The following M1AP variants were observed in gnomAD, a reference collection of about 807,000 sequenced individuals.
M1AP encodes the protein meiosis 1 arrest protein.
A neutral mutation model predicts 51.2 loss-of-function variants in M1AP; 39 were observed. That is an observed-to-expected ratio of 0.76 (90% CI 0.59 to 1.00). The LOEUF is 1.00. M1AP is among the 50% of genes least tolerant of loss of function. The pLI is 0.00. For synonymous variants in M1AP, 251 were observed against 249.2 expected (o/e 1.01, Z -0.07); for missense variants, 545 against 641.2 (o/e 0.85, Z 1.62).
At chr2:74,595,879 C>T (rs1680304416) in intron 4 of M1AP, among the ~76,000 whole-genome samples, 1 of 152,064 alleles carries the variant, frequency 6.6e-6, no homozygotes, top group South Asian at 2.1e-4. Flanking sequence ...CCTGAAGTTT[C>T]TACATTTTAT....
intron 1 of M1AP, among the ~76,000 whole-genome samples, chr2:74,644,624 G>A (rs1683493091): frequency 6.6e-6 from 1 of 151,684 alleles, no homozygotes; most frequent in African/African-American, 2.4e-5. Flanking sequence ...TTTTTGGATA[G>A]TGGAAGTCAG....
chr2:74,646,960 A>G (rs1206716788), intron 1 of M1AP, among the ~76,000 whole-genome samples: 1 of 152,134 alleles, frequency 6.6e-6, no homozygotes, highest in Non-Finnish European at 1.5e-5. Flanking sequence ...AACATCATCA[A>G]TTCATGCATC....
intron 4 of M1AP, among the ~76,000 whole-genome samples, chr2:74,593,343 T>TA (rs1284518485): frequency 6.6e-6 from 1 of 152,194 alleles, no homozygotes; most frequent in South Asian, 2.1e-4. Context: ...GATTTTCTTG[T>TA]AAAAAACAGC....
At chr2:74,607,027 T>G (rs1298114020) in intron 4 of M1AP, 28 bp downstream of exon 4, 3 of 1,604,436 alleles carry the variant, frequency 1.9e-6, no homozygotes, top group Non-Finnish European at 8.5e-7. Context: ...TTCTTACAAT[T>G]CTTTTTACCT....
chr2:74,558,417 A>G lies in M1AP; in HGVS notation c.*299T>C, dbSNP rs1677653070. ...TACAAGAAGAAATTCTGAGTTATGA[A>G]TGCTCCTAACAATGGTAGAAGCTTA... is the stretch of plus-strand genomic sequence containing the variant. On this transcript the variant is annotated 3_prime_UTR_variant, in exon 11 of 11. Transcript: ENST00000421985. The G allele has an allele frequency of 8.9e-6, 3 of 338,418 alleles. No homozygotes were observed. The highest frequency in any genetic ancestry group is 6.6e-5 in the African/African-American group (3 of 45,234). 21.0% of individuals were successfully genotyped at this position (338,418 alleles called of 1,614,324 possible).
At position 74,599,164 on chromosome 2, in the gene M1AP, A is replaced by T. The variant is rs187487891; in HGVS notation, c.595+7891T>A. Among the ~76,000 whole-genome samples the T allele has an allele frequency of 2.0e-5, 3 of 152,192 alleles. No homozygotes were observed. In the East Asian group the frequency reaches 5.8e-4, roughly 30 times the overall value. The stretch of plus-strand genomic sequence containing the variant: ...CATGGTGATGCACACCTATAATCCC[A>T]GCTAGTTGGGAGGCTGAGGCATGAT... On this transcript the variant is annotated intron_variant, in intron 4 of 10. Transcript: ENST00000421985.
At chr2:74,599,843 T>G (rs1231460038) in intron 4 of M1AP, among the ~76,000 whole-genome samples, 2 of 152,040 alleles carry the variant, frequency 1.3e-5, no homozygotes, top group Non-Finnish European at 2.9e-5. Context: ...TTTTTTTTTT[T>G]TTTTAAAGAG....
chr2:74,578,197 T>C lies in M1AP; in HGVS notation c.770-1579A>G, dbSNP rs562561436. Among the ~76,000 whole-genome samples, 24 of 152,328 alleles carry C rather than the reference T, an allele frequency of 1.6e-4. 2 individuals carry two copies. Among genetic ancestry groups the C allele is most frequent in the African/African-American group, 5.8e-4 (24 of 41,582 alleles). ...CCCGATCTAGGAAACTTGAAAAAGA[T>C]ACTGATGTCTGGGCCCTACCCCAGA... On this transcript the variant is annotated intron_variant, in intron 5 of 10. Transcript: ENST00000421985.
At chr2:74,641,151 C>T (rs1416486119) in intron 1 of M1AP, among the ~76,000 whole-genome samples, 2 of 152,230 alleles carry the variant, frequency 1.3e-5, no homozygotes, top group African/African-American at 4.8e-5. Flanking sequence ...TTTAAACTGT[C>T]TTTAAGACCT....
intron 4 of M1AP, among the ~76,000 whole-genome samples, chr2:74,602,825 C>T (rs1680748787): frequency 6.6e-6 from 1 of 152,184 alleles, no homozygotes; most frequent in South Asian, 2.1e-4. Context: ...CTGGAAGAGT[C>T]ATCAGCACTG....
chr2:74,601,857 G>A (rs1680698208), intron 4 of M1AP, among the ~76,000 whole-genome samples: 1 of 152,084 alleles, frequency 6.6e-6, no homozygotes, highest in African/African-American at 2.4e-5. Flanking sequence ...GGATCTTGCA[G>A]GGTCCTTAAG....
At chr2:74,599,013 C>T (rs1466341255) in intron 4 of M1AP, among the ~76,000 whole-genome samples, 2 of 152,020 alleles carry the variant, frequency 1.3e-5, no homozygotes, top group Non-Finnish European at 1.5e-5. Context: ...CACGGTGGCT[C>T]ATGCCTGTAA....
intron 2 of M1AP, chr2:74,620,858 G>A: frequency 5.8e-6 from 1 of 172,282 alleles, no homozygotes. Context: ...AGGAATTTCT[G>A]TTGCTTCTGA....
At position 74,558,108 on chromosome 2, in the gene M1AP, G is replaced by A. The variant is rs1051942655; in HGVS notation, c.*608C>T. On this transcript the variant is annotated 3_prime_UTR_variant, in exon 11 of 11. Coordinates refer to ENST00000421985, the MANE Select transcript of M1AP (RefSeq NM_001321739.2). ...GAGCAACAGGAAGGTTGGTACATGT[G>A]GGGAGAGGGTAACAGGAAAGGAGTA... 1 of 152,474 alleles carries A rather than the reference G, an allele frequency of 6.6e-6. No individual in the cohort carries two copies. The highest frequency in any genetic ancestry group is 1.5e-5 in the Non-Finnish European group (1 of 68,290). 9.4% of individuals were successfully genotyped at this position (152,474 alleles called of 1,614,324 possible). A position where few individuals can be genotyped will look rare whatever the true frequency, so the allele number is the denominator to read the frequency against.
intron 7 of M1AP, among the ~76,000 whole-genome samples, chr2:74,573,159 G>A (rs1678852031): frequency 6.6e-6 from 1 of 151,866 alleles, no homozygotes; most frequent in Non-Finnish European, 1.5e-5. Flanking sequence ...CGATTCTCCT[G>A]CCTCAGCCTC....
intron 2 of M1AP, among the ~76,000 whole-genome samples, chr2:74,639,564 T>C (rs1558700470): frequency 6.6e-6 from 1 of 152,230 alleles, no homozygotes; most frequent in Non-Finnish European, 1.5e-5. Flanking sequence ...ATGTGGAATG[T>C]AGAAAAAATA....
intron 2 of M1AP, among the ~76,000 whole-genome samples, chr2:74,638,271 C>A (rs192196784): frequency 6.6e-6 from 1 of 152,134 alleles, no homozygotes; most frequent in Non-Finnish European, 1.5e-5. Flanking sequence ...CCAGGCTGGT[C>A]TTGAACTACT....
chr2:74,567,293 A>G (rs1175798459), intron 7 of M1AP, among the ~76,000 whole-genome samples: 1 of 152,258 alleles, frequency 6.6e-6, no homozygotes, highest in Non-Finnish European at 1.5e-5. Flanking sequence ...GCTCACAGAA[A>G]TACAAACCAT....
At chr2:74,586,540 C>T (rs1188309832) in intron 4 of M1AP, among the ~76,000 whole-genome samples, 3 of 152,322 alleles carry the variant, frequency 2.0e-5, no homozygotes, top group Middle Eastern at 3.4e-3. Flanking sequence ...TTATGCTTAA[C>T]TATATCCTCC....
Sources: allele counts gnomAD v4.1 joint callset (sites outside exome capture counted in the v4.1 genomes callset), GRCh38; gene constraint gnomAD v4.1.1; transcripts MANE v1.5; gene names NCBI Gene and HGNC (gene_info 2026-07-23, HGNC 2026-07-21).